PTPRA: variants seen among roughly 807,000 people sequenced by gnomAD.
PTPRA encodes the protein protein tyrosine phosphatase receptor type A, also known as receptor-type tyrosine-protein phosphatase alpha.
In PTPRA, 25 loss-of-function variants were observed where a neutral mutation model predicts 104.8. The ratio of observed to expected loss-of-function variants is 0.24; its 90% CI spans 0.17 to 0.33. The LOEUF (loss-of-function observed/expected upper bound fraction) is 0.33, where lower values mean the gene tolerates loss of function less well. Ranked by LOEUF, PTPRA falls within the 10% of genes least tolerant of loss-of-function variation. The pLI, the probability that PTPRA is intolerant of heterozygous loss-of-function variation, is 1.00. For missense variants in PTPRA, 765 were observed against 1,015.3 expected, an observed-to-expected ratio of 0.75 and a Z score of 3.35; for synonymous variants, 323 against 368.9, an observed-to-expected ratio of 0.88 and a Z score of 1.43.
intron 1 of PTPRA, among the ~76,000 whole-genome samples, chr20:2,920,121 G>T (rs1438858817): frequency 6.6e-6 from 1 of 152,114 alleles, no homozygotes; most frequent in Non-Finnish European, 1.5e-5. Flanking sequence ...ATGAGTAGGT[G>T]GTAATTTTTA....
chr20:2,946,220 G>A (rs542445141), intron 2 of PTPRA, among the ~76,000 whole-genome samples: 2 of 152,138 alleles, frequency 1.3e-5, no homozygotes, highest in Admixed American at 1.3e-4. Flanking sequence ...AGGAGGGAGG[G>A]GAGGTTGCGC....
upstream of PTPRA, among the ~76,000 whole-genome samples, chr20:2,872,081 CGGTGGTGGGGA>C (rs2089443116): frequency 2.6e-5 from 4 of 151,852 alleles, no homozygotes; most frequent in Non-Finnish European, 5.9e-5. This position sits in a 1 kb window ranked among gnomAD's most constrained non-coding sequence, Gnocchi z 7.9. Flanking sequence ...CAACAGAAGG[CGGTGGTGGGGA>C]CCGGAGATGG....
chr20:2,957,043 T>G (rs2061561689), intron 3 of PTPRA, among the ~76,000 whole-genome samples: 1 of 152,178 alleles, frequency 6.6e-6, no homozygotes, highest in East Asian at 1.9e-4. Context: ...CCCAGCACTT[T>G]GGGAGGCTGA....
At chr20:2,868,875 C>T (rs2089395448), upstream of PTPRA, among the ~76,000 whole-genome samples, 1 of 151,976 alleles carries the variant, frequency 6.6e-6, no homozygotes, top group African/African-American at 2.4e-5. Context: ...GCTATGTAAA[C>T]AAACACTGTA....
At chr20:3,007,810 A>G (rs555593373) in intron 11 of PTPRA, among the ~76,000 whole-genome samples, 1 of 129,548 alleles carries the variant, frequency 7.7e-6, no homozygotes, top group East Asian at 2.5e-4. Flanking sequence ...GTGTATGTAT[A>G]TATGTGTGTG....
At chr20:2,895,761 T>G (rs552857416) in intron 1 of PTPRA, among the ~76,000 whole-genome samples, 66 of 152,240 alleles carry the variant, frequency 4.3e-4, no homozygotes, top group Admixed American at 1.6e-3. Context: ...AACTCCTGCC[T>G]CAAGTGATCC....
At chr20:3,030,410 G>A (rs1196098298) in intron 20 of PTPRA, among the ~76,000 whole-genome samples, 1 of 152,148 alleles carries the variant, frequency 6.6e-6, no homozygotes. Flanking sequence ...ATTGGAACAG[G>A]ATGTTAGTGA....
intron 2 of PTPRA, among the ~76,000 whole-genome samples, chr20:2,944,341 C>T (rs1489773593): frequency 6.6e-6 from 1 of 152,136 alleles, no homozygotes; most frequent in African/African-American, 2.4e-5. Flanking sequence ...CATGCCTGGC[C>T]CCTCTGCTGG....
At chr20:2,965,480 AGAG>A in intron 5 of PTPRA, among the ~76,000 whole-genome samples, 1 of 152,200 alleles carries the variant, frequency 6.6e-6, no homozygotes, top group Admixed American at 6.5e-5. Flanking sequence ...CAAGAGAAAT[AGAG>A]GAGCTCATTG....
intron 20 of PTPRA, among the ~76,000 whole-genome samples, chr20:3,032,132 A>G (rs1269353872): frequency 6.6e-6 from 1 of 152,218 alleles, no homozygotes; most frequent in Non-Finnish European, 1.5e-5. Flanking sequence ...CCAAGAAATC[A>G]GACAAGAACA....
At chr20:2,975,310 C>A in intron 6 of PTPRA, 69 bp downstream of exon 6, 1 of 1,378,232 alleles carries the variant, frequency 7.3e-7, no homozygotes, top group South Asian at 1.4e-5. Flanking sequence ...TTCCTCTGCT[C>A]ACAGTCTGTG....
chr20:2,866,752 T>A, the PTPRA span: 15 of 955,090 alleles, frequency 1.6e-5, no homozygotes, highest in African/African-American at 2.3e-4. Flanking sequence ...TCTTACACAG[T>A]CCAGCCTAAG....
chr20:2,935,777 G>A (rs1242246533), intron 2 of PTPRA, among the ~76,000 whole-genome samples: 2 of 152,160 alleles, frequency 1.3e-5, no homozygotes, highest in Admixed American at 6.5e-5. Context: ...CAATTTGGGA[G>A]GCCTAGGCGG....
upstream of PTPRA, among the ~76,000 whole-genome samples, chr20:2,869,329 T>A (rs1178062425): frequency 9.6e-6 from 1 of 104,672 alleles, no homozygotes; most frequent in Non-Finnish European, 2.1e-5. Flanking sequence ...TGGTTTGCAA[T>A]TTTTTTTTTC....
chr20:2,901,279 C>A (rs1032705802), intron 1 of PTPRA, among the ~76,000 whole-genome samples: 2 of 147,636 alleles, frequency 1.4e-5, no homozygotes, highest in Non-Finnish European at 3.0e-5. Flanking sequence ...TTTTTTTTTC[C>A]CTTGAGGAGA....
chr20:2,892,557 ATG>A (rs1218673988), intron 1 of PTPRA, among the ~76,000 whole-genome samples: 1 of 152,142 alleles, frequency 6.6e-6, no homozygotes, highest in Non-Finnish European at 1.5e-5. Context: ...CCAGTCAGCC[ATG>A]TGATCAGGAG....
intron 11 of PTPRA, among the ~76,000 whole-genome samples, chr20:3,013,234 A>G (rs1368255287): frequency 9.9e-5 from 15 of 152,194 alleles, no homozygotes; most frequent in Admixed American, 8.5e-4. Context: ...ACCATGGAGT[A>G]GTGGTGAAAG....
Position 2,933,468 on chromosome 20 carries a change from G to C in PTPRA, c.-50+10183G>C, listed in dbSNP as rs533792410. Among the ~76,000 whole-genome samples, 15 of 146,784 alleles carry C rather than the reference G, an allele frequency of 1.0e-4. 1 individual carries two copies. In the South Asian group the frequency reaches 3.3e-3, roughly 32 times the overall value. ...GTTGGTTGGTTGGTTGGTTGGTTGG[G>C]TTTTTTTTTTGAGACAGATCATCAC... On this transcript the variant is annotated intron_variant, in intron 2 of 23. Coordinates refer to ENST00000399903, the MANE Select transcript of PTPRA (RefSeq NM_001385305.1).
chr20:3,005,657 T>G lies in PTPRA; in HGVS notation c.829+511T>G, dbSNP rs556763910. On this transcript the variant is annotated intron_variant, in intron 10 of 23. Transcript: ENST00000399903. ...AAGAGCCTTTATGGATCCCACATACTCAGAGTCAATTAGGATGATCCAGGA... is the reference window on the plus strand; with the variant it reads ...AAGAGCCTTTATGGATCCCACATACGCAGAGTCAATTAGGATGATCCAGGA... 2.0e-5 allele frequency among the ~76,000 whole-genome samples: 3 copies of G among 152,282 alleles called. No homozygotes were observed. In the South Asian group the frequency reaches 6.2e-4, roughly 32 times the overall value.
Sources: allele counts gnomAD v4.1 joint callset (sites outside exome capture counted in the v4.1 genomes callset), GRCh38; gene constraint gnomAD v4.1.1; non-coding constraint Gnocchi (gnomAD v3.1); transcripts MANE v1.5; gene names NCBI Gene and HGNC (gene_info 2026-07-23, HGNC 2026-07-21).